The following SH3BP4 variants were observed in gnomAD, a reference collection of about 807,000 sequenced individuals.
SH3BP4 encodes SH3 domain-binding protein 4.
In SH3BP4, 33 loss-of-function variants were observed where a neutral mutation model predicts 65.5. The ratio of observed to expected loss-of-function variants is 0.50; its 90% confidence interval spans 0.38 to 0.67. SH3BP4 has a LOEUF of 0.67. SH3BP4 is among the 30% of genes least tolerant of loss of function. The probability of loss-of-function intolerance (pLI) is 0.00; values close to 1 mark genes in which losing one functional copy is unlikely to be tolerated. For missense variants in SH3BP4, 1,134 were observed against 1,261.4 expected, an observed-to-expected ratio of 0.90 and a Z score of 1.53; for synonymous variants, 552 against 545.5, an observed-to-expected ratio of 1.01 and a Z score of -0.17.
intron 2 of SH3BP4, among the ~76,000 whole-genome samples, chr2:235,005,354 C>T (rs890334138): frequency 6.6e-5 from 10 of 152,122 alleles, no homozygotes; most frequent in South Asian, 2.1e-4. Context: ...GGGAGCCCCT[C>T]GCCTGGGGCT....
rs768603830 is a variant in SH3BP4, at chr2:235,035,007, C to T, written c.5C>T (p.Ala2Val). The T allele has an allele frequency of 3.1e-6, 5 of 1,613,438 alleles. No homozygotes were observed. Among genetic ancestry groups the T allele is most frequent in the Non-Finnish European group, 4.2e-6 (5 of 1,179,556 alleles). M[A>V]AQRIRAANSN... is the part of the protein sequence containing the mutation. Reference sequence around the variant, plus strand: ...ACCCGGGAAGCGAGTTTCGAGATGGCGGCTCAGCGGATCCGAGCGGCCAAC... The same window carrying T: ...ACCCGGGAAGCGAGTTTCGAGATGGTGGCTCAGCGGATCCGAGCGGCCAAC... The change falls in exon 3 of 6, where the codon GCG (alanine) becomes GTG (valine). Residue 2 changes from alanine (A) to valine (V), a missense_variant. Coordinates refer to ENST00000392011, the MANE Select transcript of SH3BP4 (RefSeq NM_014521.3). This position sits in a 1 kb window ranked among gnomAD's most constrained non-coding sequence, Gnocchi z 5.0.
rs376738527 is a variant in SH3BP4, at chr2:235,041,399, G to A, written c.630G>A (p.Thr210=). The change falls in exon 4 of 6, where the codon ACG becomes ACA. Residue 210 remains threonine (T), a synonymous_variant. Transcript: ENST00000392011. The surrounding 1 kb of genome is among the most constrained non-coding windows in gnomAD (Gnocchi z 6.0). Reference sequence around the variant, plus strand: ...TCACCGAATCCAGCTCAGCCACCACGAATAGCACTGGCAACATCTTCGATG... The same window carrying A: ...TCACCGAATCCAGCTCAGCCACCACAAATAGCACTGGCAACATCTTCGATG... ...SSFTESSSAT[T]NSTGNIFDEL... is the part of the protein sequence containing the mutation. 2.0e-5 allele frequency: 33 copies of A among 1,614,116 alleles called. No homozygotes were observed. Among genetic ancestry groups the A allele is most frequent in the Non-Finnish European group, 2.7e-5 (32 of 1,180,030 alleles).
chr2:234,959,947 C>T (rs912070913), intron 1 of SH3BP4, among the ~76,000 whole-genome samples: 8 of 152,104 alleles, frequency 5.3e-5, no homozygotes, highest in Admixed American at 1.3e-4. Flanking sequence ...CCACCTTGCC[C>T]GGCGAGGATT....
At position 235,041,587 on chromosome 2, in the gene SH3BP4, C is replaced by T; in HGVS notation, c.818C>T (p.Ala273Val). The change falls in exon 4 of 6, where the codon GCC becomes GTC. Residue 273 changes from alanine (A) to valine (V), a missense_variant. Physicochemically the swap from Ala to Val is moderately conservative, Grantham distance 64 (BLOSUM62 0). Transcript: ENST00000392011. The surrounding 1 kb of genome is among the most constrained non-coding windows in gnomAD (Gnocchi z 6.0). ...TTCTTCACCGGCTTGAAATCACCTG[C>T]CCCCGAGCAATTTCAGAGCCGGGAG... is the stretch of plus-strand genomic sequence containing the variant. ...SSFFTGLKSPAPEQFQSREDF... is the reference protein window; with the variant it reads ...SSFFTGLKSPVPEQFQSREDF... The T allele has an allele frequency of 2.5e-6, 4 of 1,614,042 alleles. No individual in the cohort carries two copies. The highest frequency in any genetic ancestry group is 3.4e-6 in the Non-Finnish European group (4 of 1,180,030).
In SH3BP4 at chr2:235,052,541, T is replaced by C; in HGVS notation, c.2479-21T>C. ...CCCCACTCCCTACACTGTCTCACGC[T>C]GTGTGCCTCTTCCTCTGCAGGCCCT... On this transcript the variant is annotated intron_variant, in intron 4 of 5. Coordinates refer to ENST00000392011, the MANE Select transcript of SH3BP4 (RefSeq NM_014521.3). The surrounding 1 kb of genome is among the most constrained non-coding windows in gnomAD (Gnocchi z 5.0). 6.5e-7 allele frequency: 1 copy of C among 1,533,476 alleles called. No homozygotes were observed. Among genetic ancestry groups the C allele is most frequent in the African/African-American group, 1.4e-5 (1 of 72,854 alleles). 95.0% of individuals were successfully genotyped at this position (1,533,476 alleles called of 1,614,324 possible). A position where few individuals can be genotyped will look rare whatever the true frequency, so the allele number is the denominator to read the frequency against.
At chr2:235,043,963 A>G (rs1695761274) in intron 4 of SH3BP4, among the ~76,000 whole-genome samples, 1 of 152,254 alleles carries the variant, frequency 6.6e-6, no homozygotes, top group Non-Finnish European at 1.5e-5. Context: ...AGAGGGTCCC[A>G]GAATGGACCA....
chr2:235,000,131 G>A (rs1694052521), intron 2 of SH3BP4, among the ~76,000 whole-genome samples: 1 of 152,206 alleles, frequency 6.6e-6, no homozygotes, highest in Non-Finnish European at 1.5e-5. Context: ...GACAGCCACT[G>A]GGAACCCCAG....
At chr2:235,038,281 TTATATATAATATATATATTA>T (rs1695467619) in intron 3 of SH3BP4, among the ~76,000 whole-genome samples, 1 of 24,402 alleles carries the variant, frequency 4.1e-5, no homozygotes, top group Non-Finnish European at 6.3e-5. Context: ...ATAATATATA[TTATATATAATATATATATTA>T]TATATATATA....
At chr2:234,980,520 C>T (rs1559230628) in intron 1 of SH3BP4, among the ~76,000 whole-genome samples, 2 of 152,154 alleles carry the variant, frequency 1.3e-5, no homozygotes, top group African/African-American at 4.8e-5. Context: ...TCTTTCTGCT[C>T]CTAAAGGACA....
intron 4 of SH3BP4, among the ~76,000 whole-genome samples, chr2:235,044,921 C>T (rs6732663): frequency 0.26 from 39,102 of 152,068 alleles, 5,506 homozygotes; most frequent in East Asian, 0.56. Flanking sequence ...AAGCGGCCGT[C>T]AGGGGGGCCA....
chr2:234,954,530 G>T (rs1271110359), intron 1 of SH3BP4, among the ~76,000 whole-genome samples: 1 of 152,310 alleles, frequency 6.6e-6, no homozygotes, highest in Non-Finnish European at 1.5e-5. Flanking sequence ...CGGGTGCCTT[G>T]TCTGTTCATG....
intron 2 of SH3BP4, among the ~76,000 whole-genome samples, chr2:235,031,943 G>T (rs1041214746): frequency 2.0e-5 from 3 of 152,362 alleles, no homozygotes. Context: ...CCTCCCTCTT[G>T]TGCCCAGATG....
At chr2:235,017,956 G>A (rs1694741445) in intron 2 of SH3BP4, among the ~76,000 whole-genome samples, 2 of 152,112 alleles carry the variant, frequency 1.3e-5, no homozygotes, top group Non-Finnish European at 2.9e-5. Flanking sequence ...AGTGTCTTGG[G>A]TCCTATCAAC....
At chr2:235,010,847 T>A in intron 2 of SH3BP4, among the ~76,000 whole-genome samples, 1 of 130,676 alleles carries the variant, frequency 7.7e-6, no homozygotes, top group Non-Finnish European at 1.7e-5. Flanking sequence ...AGGAGAACCC[T>A]TCCTCCCTCT....
rs201649104 is a variant in SH3BP4, at chr2:235,042,537, C to T, written c.1768C>T (p.Arg590Trp). The T allele has an allele frequency of 1.9e-5, 31 of 1,614,162 alleles. No homozygotes were observed. In the East Asian group the frequency reaches 5.3e-4, roughly 28 times the overall value. Residue 590 changes from arginine (R) to tryptophan (W), a missense_variant, in exon 4 of 6, where the codon CGG becomes TGG. Physicochemically the swap from Arg to Trp is moderately radical, Grantham distance 101. Transcript: ENST00000392011. The surrounding 1 kb of genome is among the most constrained non-coding windows in gnomAD (Gnocchi z 7.3). ...CAACGAGCTCTCTGACTTCACGCTG[C>T]GGGTTCAGGTGAAGGACGACCAGGA... ...NPNELSDFTL[R>W]VQVKDDQEAI...
rs138128055 is a variant in SH3BP4 at position 235,029,779 on chromosome 2, G to A, written c.-132-5092G>A. ...GGACCAGTTCACGGGTGCGGCACTC[G>A]GGATGGGCGAGTCGGATCTGAGGCT... On this transcript the variant is annotated intron_variant, in intron 2 of 5. Coordinates refer to ENST00000392011, the MANE Select transcript of SH3BP4 (RefSeq NM_014521.3). Among the ~76,000 whole-genome samples, 458 of 152,286 alleles carry A rather than the reference G, an allele frequency of 3.0e-3. 3 individuals carry two copies. The highest frequency in any genetic ancestry group is 0.01 in the African/African-American group (421 of 41,546).
At chr2:235,032,849 C>A (rs1695249176) in intron 2 of SH3BP4, among the ~76,000 whole-genome samples, 1 of 152,146 alleles carries the variant, frequency 6.6e-6, no homozygotes, top group African/African-American at 2.4e-5. Context: ...GTCCGGGGTT[C>A]TCCCCAAGGC....
Position 235,035,606 on chromosome 2 carries a change from G to A in SH3BP4, c.118+486G>A. On this transcript the variant is annotated intron_variant, in intron 3 of 5. Coordinates refer to ENST00000392011, the MANE Select transcript of SH3BP4 (RefSeq NM_014521.3). The surrounding 1 kb of genome is among the most constrained non-coding windows in gnomAD (Gnocchi z 5.0). ...TGCATGAAAGCATCCATGAAGTTAA[G>A]TCATTAAATAGCCAGAGTCGTGTTT... is the stretch of plus-strand genomic sequence containing the variant. 6.6e-6 allele frequency among the ~76,000 whole-genome samples: 1 copy of A among 152,202 alleles called. No individual in the cohort carries two copies.
At chr2:234,959,930 G>A (rs1281710995) in intron 1 of SH3BP4, among the ~76,000 whole-genome samples, 1 of 152,140 alleles carries the variant, frequency 6.6e-6, no homozygotes, top group Non-Finnish European at 1.5e-5. Context: ...GGGATTACAG[G>A]CATGAGCCAC....
Sources: allele counts gnomAD v4.1 joint callset (sites outside exome capture counted in the v4.1 genomes callset), GRCh38; gene constraint gnomAD v4.1.1; non-coding constraint Gnocchi (gnomAD v3.1); transcripts MANE v1.5; gene names NCBI Gene and HGNC (gene_info 2026-07-23, HGNC 2026-07-21).